Variants in CCDC63 observed in about 807,000 individuals in gnomAD.
The protein encoded by CCDC63 is coiled-coil domain containing 63.
Under a neutral mutation model 63.6 loss-of-function variants are expected in CCDC63, and 54 were observed. The ratio of observed to expected loss-of-function variants is 0.85; its 90% confidence interval spans 0.68 to 1.07. The LOEUF (loss-of-function observed/expected upper bound fraction) is 1.07. CCDC63 is among the 50% of genes least tolerant of loss of function. The pLI is 0.00. For synonymous variants in CCDC63, 253 were observed against 266.1 expected (o/e 0.95, Z 0.48); for missense variants, 637 against 689.6 (o/e 0.92, Z 0.86).
chr12:110,883,692 T>C (rs775371288), intron 7 of CCDC63, among the ~76,000 whole-genome samples: 15 of 152,154 alleles, frequency 9.9e-5, no homozygotes, highest in South Asian at 2.1e-4. Context: ...CAGGCTGGAG[T>C]GCAGTGGCGC....
rs1220876639 is a variant in CCDC63, at chr12:110,881,264, A to C, written c.821A>C (p.Asn274Thr). The change falls in exon 7 of 12, where the codon AAT (asparagine) becomes ACT (threonine). Residue 274 changes from asparagine (N) to threonine (T), a missense_variant. Transcript: ENST00000308208. The part of the protein sequence containing the change: ...SFLLVKLNDR[N>T]EFEEQAKREE... ...CTGCTCGTCAAGCTGAATGATCGCA[A>C]TGAATTCGAGGAGCAGGCCAAAAGG... The C allele has an allele frequency of 6.2e-7, 1 of 1,613,766 alleles. No individual in the cohort carries two copies. The highest frequency in any genetic ancestry group is 2.2e-5 in the East Asian group (1 of 44,866).
At chr12:110,849,650 C>T (rs1049941738) in intron 1 of CCDC63, among the ~76,000 whole-genome samples, 2 of 152,020 alleles carry the variant, frequency 1.3e-5, no homozygotes, top group Non-Finnish European at 2.9e-5. Flanking sequence ...AGGTGCCCAC[C>T]ACCATGCCCA....
At chr12:110,886,876 C>T (rs939946514) in intron 8 of CCDC63, among the ~76,000 whole-genome samples, 1 of 152,158 alleles carries the variant, frequency 6.6e-6, no homozygotes, top group Non-Finnish European at 1.5e-5. Flanking sequence ...AGGACAGGCA[C>T]AGGAAATGGT....
intron 6 of CCDC63, among the ~76,000 whole-genome samples, 188 bp from the exon 7 acceptor site, chr12:110,880,927 G>A (rs1384423117): frequency 6.9e-6 from 1 of 145,942 alleles, no homozygotes; most frequent in Non-Finnish European, 1.5e-5. Context: ...AATCATTTCT[G>A]GGAGTGATCT....
At chr12:110,891,584 G>C (rs184663977) in intron 8 of CCDC63, among the ~76,000 whole-genome samples, 1 of 141,580 alleles carries the variant, frequency 7.1e-6, no homozygotes, top group Non-Finnish European at 1.5e-5. Flanking sequence ...TCAGTGAGCC[G>C]TGATTATGCC....
At chr12:110,901,038 A>ACTGT in intron 10 of CCDC63, among the ~76,000 whole-genome samples, 1 of 152,324 alleles carries the variant, frequency 6.6e-6, no homozygotes, top group East Asian at 1.9e-4. Flanking sequence ...TATTACAGTA[A>ACTGT]AAGGGTACAG....
chr12:110,874,500 T>C (rs868028381), intron 5 of CCDC63, among the ~76,000 whole-genome samples: 3 of 152,190 alleles, frequency 2.0e-5, no homozygotes, highest in Non-Finnish European at 2.9e-5. Context: ...AGTCATAGAA[T>C]TGAAAGATCC....
Position 110,893,140 on chromosome 12 carries a change from G to C in CCDC63, c.1139G>C (p.Arg380Thr), listed in dbSNP as rs749121593. The change falls in exon 9 of 12, where the codon AGA (arginine) becomes ACA (threonine). Residue 380 changes from arginine (R) to threonine (T), a missense_variant. Coordinates refer to ENST00000308208, the MANE Select transcript of CCDC63 (RefSeq NM_152591.3). The stretch of plus-strand genomic sequence containing the variant: ...CACGATGACAACCACTCTGTCCTGA[G>C]ACAGCTGGAGGTGAGAACAGGATCG... ...LSHDDNHSVL[R>T]QLEDKLRKTT... The C allele has an allele frequency of 1.9e-6, 3 of 1,613,920 alleles. No homozygotes were observed. In the South Asian group the frequency reaches 3.3e-5, roughly 18 times the overall value.
chr12:110,866,847 C>T (rs1413339776), intron 4 of CCDC63, among the ~76,000 whole-genome samples: 3 of 147,706 alleles, frequency 2.0e-5, no homozygotes, highest in Non-Finnish European at 4.5e-5. Flanking sequence ...ACCTCCCAGA[C>T]GGGGTGGTGG....
intron 9 of CCDC63, among the ~76,000 whole-genome samples, chr12:110,897,053 A>G (rs960432918): frequency 3.9e-5 from 6 of 152,220 alleles, no homozygotes; most frequent in South Asian, 4.1e-4. Flanking sequence ...TGTGAATGGT[A>G]AAATCAGTTT....
At chr12:110,888,848 TCCTTCCTTC>T (rs1206917436) in intron 8 of CCDC63, among the ~76,000 whole-genome samples, 1 of 78,096 alleles carries the variant, frequency 1.3e-5, no homozygotes, top group Non-Finnish European at 3.1e-5. Context: ...CTTCCTTCCT[TCCTTCCTTC>T]CTTCGTTTTT....
chr12:110,904,779 AG>A lies in CCDC63; in HGVS notation c.1536del (p.Arg512SerfsTer24), dbSNP rs763268920. ...PVLGADPFSD[R>X]LDDVEQPLDH... ...GCTGGGGGCTGACCCCTTCAGCGAC[AG>A]GTTGGATGATGGTGAGTTCTCTCTC... On this transcript the variant is annotated frameshift_variant, in exon 11 of 12. Transcript: ENST00000308208. LOFTEE classifies it low-confidence loss of function (END_TRUNC). The A allele has an allele frequency of 1.2e-6, 2 of 1,608,228 alleles. No homozygotes were observed. Among genetic ancestry groups the A allele is most frequent in the Non-Finnish European group, 1.7e-6 (2 of 1,177,634 alleles).
chr12:110,868,224 C>T lies in CCDC63; in HGVS notation c.370-5618C>T, dbSNP rs1278682188. Among the ~76,000 whole-genome samples, 17 of 135,436 alleles carry T rather than the reference C, an allele frequency of 1.3e-4. No homozygotes were observed. The South Asian group carries it at 3.5e-3, about 28-fold the overall frequency. 88.9% of individuals were successfully genotyped at this position (135,436 alleles called of 152,430 possible). A position where few individuals can be genotyped will look rare whatever the true frequency, so the allele number is the denominator to read the frequency against. On this transcript the variant is annotated intron_variant, in intron 4 of 11. Coordinates refer to ENST00000308208, the MANE Select transcript of CCDC63 (RefSeq NM_152591.3). ...CTTCCTAGATGGGATGGCGGCCGGG[C>T]GGAGACGCTCCTCACTTTCCAGACT...
At chr12:110,867,359 C>T (rs1462217390) in intron 4 of CCDC63, among the ~76,000 whole-genome samples, 3 of 124,118 alleles carry the variant, frequency 2.4e-5, no homozygotes, top group Admixed American at 1.5e-4. Flanking sequence ...GGCTGACCCC[C>T]CCACCTCCCT....
At chr12:110,858,064 C>G (rs1234461966) in intron 3 of CCDC63, among the ~76,000 whole-genome samples, 1 of 150,820 alleles carries the variant, frequency 6.6e-6, no homozygotes, top group Non-Finnish European at 1.5e-5. Flanking sequence ...CGAGATCATG[C>G]CACTGCACTC....
At chr12:110,861,726 ATTT>A (rs68137795) in intron 4 of CCDC63, among the ~76,000 whole-genome samples, 40 of 138,426 alleles carry the variant, frequency 2.9e-4, no homozygotes, top group African/African-American at 9.5e-4. Flanking sequence ...TGCCTGGCTA[ATTT>A]TTTTTTTTTT....
intron 3 of CCDC63, among the ~76,000 whole-genome samples, chr12:110,855,169 A>AT (rs1405260178): frequency 1.3e-5 from 2 of 152,182 alleles, no homozygotes; most frequent in African/African-American, 2.4e-5. Context: ...CTCCATGTGA[A>AT]TTTTTTTAAA....
chr12:110,860,193 G>T (rs1041750223), intron 4 of CCDC63, among the ~76,000 whole-genome samples: 1 of 152,222 alleles, frequency 6.6e-6, no homozygotes, highest in South Asian at 2.1e-4. Context: ...CAAGCCAGGG[G>T]CAATGGCTCC....
Position 110,907,207 on chromosome 12 carries a change from C to T in CCDC63, c.1547-124C>T, listed in dbSNP as rs548035269. 4.1e-5 allele frequency: 36 copies of T among 880,758 alleles called. 1 individual carries two copies. The Middle Eastern group carries it at 1.4e-3, about 34-fold the overall frequency. The allele number at this position is 880,758 out of a possible 1,614,324, so 54.6% of individuals were successfully genotyped here. A position where few individuals can be genotyped will look rare whatever the true frequency, so the allele number is the denominator to read the frequency against. ...AAGTATATTTCTGTTCATTCTCCCC[C>T]TCCTTGAAACCTGAGAATTTCCATG... On this transcript the variant is annotated intron_variant, in intron 11 of 11. Coordinates refer to ENST00000308208, the MANE Select transcript of CCDC63 (RefSeq NM_152591.3). This position sits in a 1 kb window ranked among gnomAD's most constrained non-coding sequence, Gnocchi z 4.4.
Sources: gnomAD v4.1 joint callset for allele counts (sites outside exome capture counted in the v4.1 genomes callset) on GRCh38, gnomAD v4.1.1 for gene constraint, Gnocchi (gnomAD v3.1) non-coding constraint, MANE v1.5 for transcripts, NCBI Gene and HGNC (gene_info 2026-07-23, HGNC 2026-07-21) for gene names.